ATP8A1: variants seen among roughly 807,000 people sequenced by gnomAD.
The protein encoded by ATP8A1 is ATPase phospholipid transporting 8A1, also known as phospholipid-transporting ATPase IA.
ATP8A1 carries 90 observed loss-of-function variants against 177.7 expected under a neutral mutation model. The observed-to-expected ratio is 0.51, with a 90% CI of 0.43 to 0.60. ATP8A1 has a LOEUF of 0.60. Ranked by LOEUF, ATP8A1 falls within the 20% of genes least tolerant of loss-of-function variation. The pLI is 0.00. For missense variants in ATP8A1, 1,072 were observed against 1,392.8 expected (o/e 0.77, Z 3.67); for synonymous variants, 493 against 485.9 (o/e 1.01, Z -0.19).
At chr4:42,424,702 A>G (rs1478520724) in intron 33 of ATP8A1, among the ~76,000 whole-genome samples, 1 of 152,254 alleles carries the variant, frequency 6.6e-6, no homozygotes. Flanking sequence ...ATTTCAGATT[A>G]CTTATTCATT....
At chr4:42,597,247 C>G (rs1292627672) in intron 6 of ATP8A1, among the ~76,000 whole-genome samples, 1 of 152,122 alleles carries the variant, frequency 6.6e-6, no homozygotes, top group Non-Finnish European at 1.5e-5. Context: ...GGCATGTAGA[C>G]GACACTCTTG....
At chr4:42,524,716 T>C (rs1726502921) in intron 21 of ATP8A1, 47 bp downstream of exon 21, 2 of 1,254,738 alleles carry the variant, frequency 1.6e-6, no homozygotes, top group East Asian at 2.3e-5. Flanking sequence ...CAGAAGTATA[T>C]GATTTCTTTG....
intron 21 of ATP8A1, among the ~76,000 whole-genome samples, chr4:42,522,898 T>C (rs1394391338): frequency 6.6e-6 from 1 of 152,144 alleles, no homozygotes; most frequent in Non-Finnish European, 1.5e-5. Context: ...GTCTCCTCTA[T>C]TAAAGCACTT....
At chr4:42,514,113 A>G (rs1353414881) in intron 22 of ATP8A1, among the ~76,000 whole-genome samples, 1 of 152,222 alleles carries the variant, frequency 6.6e-6, no homozygotes, top group Non-Finnish European at 1.5e-5. Context: ...TCATTTGCCT[A>G]CTTCTGGAGA....
At chr4:42,488,935 T>C (rs1226557382) in intron 24 of ATP8A1, among the ~76,000 whole-genome samples, 1 of 152,172 alleles carries the variant, frequency 6.6e-6, no homozygotes, top group Non-Finnish European at 1.5e-5. Flanking sequence ...GAAATACATA[T>C]TTATTGAATG....
intron 33 of ATP8A1, among the ~76,000 whole-genome samples, chr4:42,435,284 G>T (rs1210544697): frequency 1.3e-5 from 2 of 151,988 alleles, no homozygotes; most frequent in Non-Finnish European, 2.9e-5. Context: ...AAATTGGCTG[G>T]GCGTGGTGGC....
chr4:42,506,521 A>G (rs945354649), intron 23 of ATP8A1, among the ~76,000 whole-genome samples: 2 of 152,130 alleles, frequency 1.3e-5, no homozygotes, highest in African/African-American at 2.4e-5. Flanking sequence ...ATGCAATAGG[A>G]CTGATGTTTT....
At chr4:42,472,747 C>CAAAAA (rs11315234) in intron 25 of ATP8A1, among the ~76,000 whole-genome samples, 4 of 111,036 alleles carry the variant, frequency 3.6e-5, no homozygotes, top group Non-Finnish European at 7.3e-5. Flanking sequence ...GAGACTGTCT[C>CAAAAA]AAAAAAAAAA....
chr4:42,488,819 T>C (rs138689121), intron 24 of ATP8A1, among the ~76,000 whole-genome samples: 4 of 152,262 alleles, frequency 2.6e-5, no homozygotes, highest in African/African-American at 9.6e-5. Flanking sequence ...CGCTACCAAG[T>C]GTAACTCATT....
chr4:42,452,798 C>T (rs1245791792), intron 29 of ATP8A1, among the ~76,000 whole-genome samples: 1 of 152,188 alleles, frequency 6.6e-6, no homozygotes, highest in Non-Finnish European at 1.5e-5. Context: ...CTTATGGCCC[C>T]TCTGAACAGT....
At position 42,500,567 on chromosome 4, in the gene ATP8A1, T is replaced by A. The variant is rs73810716; in HGVS notation, c.2151+2883A>T. Among the ~76,000 whole-genome samples the A allele has an allele frequency of 6.8e-3, 1,004 of 147,792 alleles. 12 individuals are homozygous for A. Among genetic ancestry groups the A allele is most frequent in the African/African-American group, 0.024 (955 of 39,784 alleles). ...CATGATTCTTAATTACATTTATCCA[T>A]GAAATTTTTTTCTAAAAAGAAAAAA... On this transcript the variant is annotated intron_variant, in intron 24 of 36. Coordinates refer to ENST00000381668, the MANE Select transcript of ATP8A1 (RefSeq NM_006095.2).
At chr4:42,521,902 G>A (rs1726166399) in intron 22 of ATP8A1, among the ~76,000 whole-genome samples, 2 of 152,174 alleles carry the variant, frequency 1.3e-5, no homozygotes, top group African/African-American at 4.8e-5. Flanking sequence ...TTGGCAAGGA[G>A]ATTGCCAGAC....
At chr4:42,466,245 T>G (rs1451006723) in intron 25 of ATP8A1, among the ~76,000 whole-genome samples, 2 of 152,084 alleles carry the variant, frequency 1.3e-5, no homozygotes, top group African/African-American at 4.8e-5. Context: ...AAGAAAAACA[T>G]CTCAGAGCTA....
At chr4:42,577,960 C>A (rs1337016407) in intron 12 of ATP8A1, among the ~76,000 whole-genome samples, 4 of 152,084 alleles carry the variant, frequency 2.6e-5, no homozygotes. Context: ...AAAGTTGATA[C>A]ACCTAGTAAA....
chr4:42,568,550 AC>A, intron 15 of ATP8A1, among the ~76,000 whole-genome samples: 1 of 152,376 alleles, frequency 6.6e-6, no homozygotes, highest in South Asian at 2.1e-4. Flanking sequence ...GGTAAAACCA[AC>A]AAAAAACTCA....
At chr4:42,430,753 G>C (rs990834045) in intron 33 of ATP8A1, among the ~76,000 whole-genome samples, 1 of 152,122 alleles carries the variant, frequency 6.6e-6, no homozygotes, top group African/African-American at 2.4e-5. Flanking sequence ...TCCTGCATTA[G>C]TTTGTTAGGA....
intron 24 of ATP8A1, among the ~76,000 whole-genome samples, chr4:42,496,658 G>A (rs1723298421): frequency 1.3e-5 from 2 of 151,924 alleles, no homozygotes; most frequent in South Asian, 4.2e-4. Context: ...ATTAATGTAA[G>A]AAAATAGAAG....
intron 11 of ATP8A1, among the ~76,000 whole-genome samples, chr4:42,578,953 C>T (rs1029817428): frequency 1.2e-4 from 18 of 151,922 alleles, no homozygotes; most frequent in African/African-American, 4.3e-4. Context: ...AGTTCTGATA[C>T]TGAAATAATA....
intron 5 of ATP8A1, among the ~76,000 whole-genome samples, chr4:42,607,089 T>C (rs1399269960): frequency 1.3e-4 from 20 of 152,200 alleles, no homozygotes; most frequent in Admixed American, 1.2e-3. Context: ...AACGCTTCTT[T>C]GAAAATATTA....
Sources: allele counts gnomAD v4.1 joint callset (sites outside exome capture counted in the v4.1 genomes callset), GRCh38; gene constraint gnomAD v4.1.1; transcripts MANE v1.5; gene names NCBI Gene and HGNC (gene_info 2026-07-23, HGNC 2026-07-21).